Variants in PRKG1 observed in about 807,000 individuals in gnomAD.
PRKG1 encodes protein kinase cGMP-dependent 1.
A neutral mutation model predicts 88.1 loss-of-function variants in PRKG1; 35 were observed. That is an observed-to-expected ratio of 0.40 (90% CI 0.30 to 0.53). PRKG1 has a LOEUF of 0.53. PRKG1 is among the 20% of genes least tolerant of loss of function. The pLI, the probability that PRKG1 is intolerant of heterozygous loss-of-function variation, is 0.59. For missense variants in PRKG1, 540 were observed against 839.8 expected (o/e 0.64, Z 4.41); for synonymous variants, 303 against 292.5 (o/e 1.04, Z -0.37).
chr10:52,012,605 T>A lies in PRKG1; in HGVS notation c.763-41879T>A, dbSNP rs568254060. Among the ~76,000 whole-genome samples the A allele has an allele frequency of 1.4e-3, 209 of 152,324 alleles. 1 individual carries two copies. The highest frequency in any genetic ancestry group is 4.7e-3 in the African/African-American group (194 of 41,580). On this transcript the variant is annotated intron_variant, in intron 5 of 17. Coordinates refer to ENST00000373980, the MANE Select transcript of PRKG1 (RefSeq NM_006258.4). ...TTTCACCATGTTGGCCAGGCTGGTC[T>A]CAAACTCCTGACCTCAAGTGATTTA...
chr10:51,479,155 T>C (rs1840285544), intron 3 of PRKG1, among the ~76,000 whole-genome samples: 1 of 152,052 alleles, frequency 6.6e-6, no homozygotes, highest in African/African-American at 2.4e-5. Context: ...TGGACAACAG[T>C]AAACAATGAT....
intron 8 of PRKG1, among the ~76,000 whole-genome samples, chr10:52,158,524 T>C (rs926651976): frequency 6.6e-6 from 1 of 151,632 alleles, no homozygotes. Flanking sequence ...ACACCATCAA[T>C]TATGCTTATC....
At chr10:52,033,810 G>C (rs1284904362) in intron 5 of PRKG1, among the ~76,000 whole-genome samples, 1 of 152,114 alleles carries the variant, frequency 6.6e-6, no homozygotes, top group Non-Finnish European at 1.5e-5. Flanking sequence ...GAGCAACATG[G>C]CTGTTTATTT....
intron 3 of PRKG1, chr10:51,568,936 G>T (rs1837678122): frequency 6.6e-6 from 1 of 152,072 alleles, no homozygotes; most frequent in Non-Finnish European, 1.5e-5. Context: ...AGGATAGGGA[G>T]GTAGTGATGC....
chr10:51,515,961 G>A (rs1183881902), intron 3 of PRKG1, among the ~76,000 whole-genome samples: 1 of 152,156 alleles, frequency 6.6e-6, no homozygotes, highest in Admixed American at 6.5e-5. Flanking sequence ...AGACAGCATT[G>A]TGTTATCAGC....
At chr10:51,262,170 G>T (rs1394813045) in intron 2 of PRKG1, among the ~76,000 whole-genome samples, 1 of 152,114 alleles carries the variant, frequency 6.6e-6, no homozygotes, top group African/African-American at 2.4e-5. Flanking sequence ...ACAGGCTTGA[G>T]CCACTGTGCC....
intron 1 of PRKG1, among the ~76,000 whole-genome samples, chr10:51,060,339 G>A (rs1843679336): frequency 6.6e-6 from 1 of 151,816 alleles, no homozygotes; most frequent in African/African-American, 2.4e-5. Flanking sequence ...TCACTGTACT[G>A]TTTGTTTTCT....
chr10:51,820,171 A>G (rs1839705349), intron 4 of PRKG1, among the ~76,000 whole-genome samples: 1 of 152,194 alleles, frequency 6.6e-6, no homozygotes, highest in Non-Finnish European at 1.5e-5. Flanking sequence ...CAACTGTTAT[A>G]TGCAACTATT....
intron 9 of PRKG1, among the ~76,000 whole-genome samples, chr10:52,175,528 T>C (rs1259852787): frequency 6.6e-6 from 1 of 152,120 alleles, no homozygotes; most frequent in Non-Finnish European, 1.5e-5. Flanking sequence ...GATTGCTGGA[T>C]CATATAGTCA....
At chr10:51,292,846 G>A (rs1372877557) in intron 2 of PRKG1, among the ~76,000 whole-genome samples, 1 of 152,028 alleles carries the variant, frequency 6.6e-6, no homozygotes, top group Non-Finnish European at 1.5e-5. Flanking sequence ...AAACTCCTCT[G>A]AGACTTATTA....
At position 51,464,890 on chromosome 10, in the gene PRKG1, C is replaced by CAA. The variant is rs11316369; in HGVS notation, c.479-2814_479-2813dup. ...TGGGCGACAGAGCGAGACTCCGTCT[C>CAA]AAAAAAAAAAAAAAAAAAAAGATAA... On this transcript the variant is annotated intron_variant, in intron 2 of 17. Transcript: ENST00000373980. Among the ~76,000 whole-genome samples, 266 of 88,114 alleles carry CAA rather than the reference C, an allele frequency of 3.0e-3. 2 individuals carry two copies. The highest frequency in any genetic ancestry group is 0.01 in the African/African-American group (248 of 24,080). 57.8% of individuals were successfully genotyped at this position (88,114 alleles called of 152,430 possible). A position where few individuals can be genotyped will look rare whatever the true frequency, so the allele number is the denominator to read the frequency against.
intron 3 of PRKG1, chr10:51,568,680 C>G (rs1837670027): frequency 2.6e-5 from 4 of 151,872 alleles, no homozygotes; most frequent in Admixed American, 2.6e-4. Context: ...TTTAGTGTTC[C>G]TCTACCCAAT....
At chr10:51,951,295 G>C (rs1333135017) in intron 5 of PRKG1, among the ~76,000 whole-genome samples, 1 of 152,120 alleles carries the variant, frequency 6.6e-6, no homozygotes, top group Non-Finnish European at 1.5e-5. Context: ...GAAGTAGAAG[G>C]CCAAAAGAAT....
At chr10:51,722,935 A>G (rs1481000455) in intron 3 of PRKG1, among the ~76,000 whole-genome samples, 8 of 152,200 alleles carry the variant, frequency 5.3e-5, no homozygotes. Flanking sequence ...ATCTCTCTCC[A>G]AGTGGAAGGA....
In PRKG1 at chr10:50,991,704, G is replaced by A. The variant is rs1251808487; in HGVS notation, c.266+60G>A. 1.0e-5 allele frequency: 12 copies of A among 1,173,154 alleles called. No homozygotes were observed. In the East Asian group the frequency reaches 2.6e-4, roughly 26 times the overall value. 72.7% of individuals were successfully genotyped at this position (1,173,154 alleles called of 1,614,324 possible). A position where few individuals can be genotyped will look rare whatever the true frequency, so the allele number is the denominator to read the frequency against. ...CCGGCCCGCGGCGCAGAGGCTGGGG[G>A]CTCTGGCCGCGGCGGCGGGGGCGGG... On this transcript the variant is annotated intron_variant, in intron 1 of 17. Coordinates refer to the PRKG1 transcript ENST00000401604. This position sits in a 1 kb window ranked among gnomAD's most constrained non-coding sequence, Gnocchi z 4.5.
At chr10:52,154,393 T>A (rs1328834243) in intron 8 of PRKG1, among the ~76,000 whole-genome samples, 1 of 152,128 alleles carries the variant, frequency 6.6e-6, no homozygotes, top group Non-Finnish European at 1.5e-5. Flanking sequence ...GCTAGAAAAG[T>A]TCCTAAACTT....
intron 1 of PRKG1, among the ~76,000 whole-genome samples, chr10:51,012,715 T>C (rs1446407435): frequency 6.6e-6 from 1 of 152,154 alleles, no homozygotes; most frequent in Non-Finnish European, 1.5e-5. Flanking sequence ...GGTCTAGTAA[T>C]AGAGACAAAC....
intron 4 of PRKG1, among the ~76,000 whole-genome samples, chr10:51,862,944 A>G (rs998286386): frequency 2.0e-5 from 3 of 152,164 alleles, no homozygotes; most frequent in Admixed American, 6.6e-5. Context: ...CATTTTCATT[A>G]TATTACTGAT....
intron 3 of PRKG1, among the ~76,000 whole-genome samples, chr10:51,705,695 AAG>A (rs1841588273): frequency 6.6e-6 from 1 of 152,182 alleles, no homozygotes; most frequent in Non-Finnish European, 1.5e-5. Context: ...CAACCTTTTG[AAG>A]ATAGGCAGTC....
Sources: allele counts gnomAD v4.1 joint callset (sites outside exome capture counted in the v4.1 genomes callset), GRCh38; gene constraint gnomAD v4.1.1; non-coding constraint Gnocchi (gnomAD v3.1); transcripts MANE v1.5; gene names NCBI Gene and HGNC (gene_info 2026-07-23, HGNC 2026-07-21).